CADM2: variants seen among roughly 807,000 people sequenced by gnomAD.
The protein encoded by CADM2 is immunoglobulin superfamily member 4D.
In CADM2, 12 loss-of-function variants were observed where a neutral mutation model predicts 49.8. The observed-to-expected ratio is 0.24, with a 90% CI of 0.15 to 0.39. The LOEUF is 0.39. CADM2 is among the 10% of genes least tolerant of loss of function. The probability of loss-of-function intolerance (pLI) is 1.00; values close to 1 mark genes in which losing one functional copy is unlikely to be tolerated. For synonymous variants in CADM2, 214 were observed against 175.4 expected, an observed-to-expected ratio of 1.22 and a Z score of -1.74; for missense variants, 378 against 492.3, an observed-to-expected ratio of 0.77 and a Z score of 2.20.
intron 1 of CADM2, among the ~76,000 whole-genome samples, chr3:85,111,280 A>C (rs1483171901): frequency 6.6e-6 from 1 of 151,864 alleles, no homozygotes; most frequent in East Asian, 1.9e-4. Context: ...ATGGTCCAGA[A>C]GTTTGCTTTA....
At chr3:85,616,966 C>T (rs1004682273) in intron 1 of CADM2, among the ~76,000 whole-genome samples, 6 of 152,044 alleles carry the variant, frequency 3.9e-5, no homozygotes, top group Admixed American at 6.6e-5. Flanking sequence ...TAAAGAAAAG[C>T]GTGTGTGGTG....
intron 3 of CADM2, among the ~76,000 whole-genome samples, chr3:85,880,905 T>C (rs1040086506): frequency 7.9e-5 from 12 of 152,198 alleles, no homozygotes; most frequent in African/African-American, 2.9e-4. Context: ...AGCTTCTTGA[T>C]TGATTCTCTA....
At chr3:85,477,993 T>A (rs1395741133) in intron 1 of CADM2, among the ~76,000 whole-genome samples, 2 of 151,964 alleles carry the variant, frequency 1.3e-5, no homozygotes, top group Admixed American at 6.6e-5. Context: ...TTTAAAAATA[T>A]TTTTACTGAA....
intron 8 of CADM2, among the ~76,000 whole-genome samples, chr3:86,037,318 G>A (rs1047262374): frequency 1.3e-5 from 2 of 152,012 alleles, no homozygotes; most frequent in East Asian, 1.9e-4. Flanking sequence ...AGAAATGTTG[G>A]CAATACTTAT....
At chr3:85,594,269 T>C (rs566343404) in intron 1 of CADM2, among the ~76,000 whole-genome samples, 1 of 151,888 alleles carries the variant, frequency 6.6e-6, no homozygotes, top group Non-Finnish European at 1.5e-5. Context: ...CTCATGAAGT[T>C]AGAACATAAC....
intron 1 of CADM2, among the ~76,000 whole-genome samples, chr3:85,531,302 G>A (rs2061303473): frequency 1.3e-5 from 2 of 152,282 alleles, no homozygotes; most frequent in African/African-American, 4.8e-5. Context: ...CTCTGAAAAT[G>A]AGACCCAAGG....
At chr3:85,812,748 G>A (rs1483561843) in intron 3 of CADM2, among the ~76,000 whole-genome samples, 3 of 151,922 alleles carry the variant, frequency 2.0e-5, no homozygotes, top group Non-Finnish European at 4.4e-5. Context: ...CCCTCCCTGT[G>A]TCCATGTGTT....
At chr3:86,047,040 C>T (rs150789578) in intron 8 of CADM2, among the ~76,000 whole-genome samples, 35 of 151,960 alleles carry the variant, frequency 2.3e-4, no homozygotes, top group African/African-American at 8.2e-4. Context: ...TTTGCAATCC[C>T]TTTAGATGTA....
chr3:85,995,014 TAAAAAA>T (rs59038758), intron 8 of CADM2, among the ~76,000 whole-genome samples: 5 of 83,024 alleles, frequency 6.0e-5, no homozygotes, highest in South Asian at 4.6e-4. Context: ...TTCGATTTGT[TAAAAAA>T]AAAAAAAAAA....
rs141297861 is a variant in CADM2 at position 86,072,284 on chromosome 3, G to T, written c.*5501G>T. ...TGGTTGATCTTCACATATTTTATAT[G>T]CATATATATATCAAGAAGTTATATA... On this transcript the variant is annotated 3_prime_UTR_variant, in exon 10 of 10. Transcript: ENST00000383699. 6.6e-6 allele frequency: 1 copy of T among 151,032 alleles called. No individual in the cohort carries two copies. The highest frequency in any genetic ancestry group is 1.5e-5 in the Non-Finnish European group (1 of 67,754). 9.4% of individuals were successfully genotyped at this position (151,032 alleles called of 1,614,324 possible).
intron 1 of CADM2, among the ~76,000 whole-genome samples, chr3:85,698,186 C>A (rs1186569323): frequency 6.6e-6 from 1 of 152,166 alleles, no homozygotes. Context: ...CTTCTTATGG[C>A]ATCAGTTGAA....
At chr3:85,736,723 T>C (rs2068154540) in intron 2 of CADM2, among the ~76,000 whole-genome samples, 1 of 152,078 alleles carries the variant, frequency 6.6e-6, no homozygotes, top group African/African-American at 2.4e-5. Flanking sequence ...TAAAAGGGAA[T>C]GGGGTAGAGA....
intron 1 of CADM2, among the ~76,000 whole-genome samples, chr3:85,478,419 T>A (rs1409452266): frequency 1.3e-5 from 2 of 151,926 alleles, no homozygotes; most frequent in Admixed American, 6.6e-5. Context: ...CTCTATAGTG[T>A]CTCTGAAAAC....
At chr3:86,053,893 T>G (rs922232753) in intron 8 of CADM2, among the ~76,000 whole-genome samples, 1 of 152,068 alleles carries the variant, frequency 6.6e-6, no homozygotes, top group African/African-American at 2.4e-5. Flanking sequence ...ATGGGACAAG[T>G]ATTGTACTAA....
At chr3:85,999,558 G>T (rs1436575746) in intron 8 of CADM2, among the ~76,000 whole-genome samples, 4 of 139,484 alleles carry the variant, frequency 2.9e-5, no homozygotes, top group African/African-American at 1.1e-4. Context: ...AAGAAGGAAG[G>T]CAGGAAGGCA....
intron 1 of CADM2, among the ~76,000 whole-genome samples, chr3:85,169,550 T>C (rs575942407): frequency 1.3e-5 from 2 of 152,242 alleles, no homozygotes; most frequent in East Asian, 3.9e-4. Context: ...AGCAGGTGGA[T>C]AACCTGAGGT....
At chr3:85,036,296 T>TA (rs574897758) in intron 1 of CADM2, among the ~76,000 whole-genome samples, 17 of 151,228 alleles carry the variant, frequency 1.1e-4, no homozygotes, top group South Asian at 4.2e-4. Flanking sequence ...GACATACATG[T>TA]AAAAAAAAAT....
chr3:85,113,203 A>C (rs2038522842), intron 1 of CADM2, among the ~76,000 whole-genome samples: 1 of 152,190 alleles, frequency 6.6e-6, no homozygotes, highest in East Asian at 1.9e-4. Flanking sequence ...CATGCCAATC[A>C]ATCTCTCATT....
intron 1 of CADM2, among the ~76,000 whole-genome samples, chr3:85,316,892 A>G (rs1026124817): frequency 6.6e-6 from 1 of 152,190 alleles, no homozygotes. Context: ...TGCGAAGGGC[A>G]CAGTGGTTCC....
Sources: allele counts gnomAD v4.1 joint callset (sites outside exome capture counted in the v4.1 genomes callset), GRCh38; gene constraint gnomAD v4.1.1; transcripts MANE v1.5; gene names NCBI Gene and HGNC (gene_info 2026-07-23, HGNC 2026-07-21).